The following KHDRBS2 variants were observed in gnomAD, a reference collection of about 807,000 sequenced individuals.
KHDRBS2 encodes the protein KH domain-containing, RNA-binding, signal transduction-associated protein 2.
Under a neutral mutation model 44.3 loss-of-function variants are expected in KHDRBS2, and 26 were observed. That is an observed-to-expected ratio of 0.59 (90% CI 0.43 to 0.81). The LOEUF is 0.81. Ranked by LOEUF, KHDRBS2 falls within the 40% of genes least tolerant of loss-of-function variation. The pLI is 0.00. For missense variants in KHDRBS2, 476 were observed against 433.1 expected (o/e 1.10, Z -0.88); for synonymous variants, 194 against 151.1 (o/e 1.28, Z -2.08).
intron 1 of KHDRBS2, among the ~76,000 whole-genome samples, chr6:62,256,229 C>T (rs1328807910): frequency 6.6e-6 from 1 of 151,678 alleles, no homozygotes; most frequent in African/African-American, 2.4e-5. Flanking sequence ...CCACCTCTGC[C>T]CCGACATTAG....
chr6:61,571,530 A>G, the KHDRBS2 span, among the ~76,000 whole-genome samples: 3 of 152,118 alleles, frequency 2.0e-5, no homozygotes, highest in East Asian at 5.8e-4. Flanking sequence ...TCAATAAACA[A>G]TGGACTGAAA....
At position 62,130,602 on chromosome 6, in the gene KHDRBS2, T is replaced by C. The variant is rs189269751; in HGVS notation, c.219+46583A>G. 3.3e-5 allele frequency among the ~76,000 whole-genome samples: 5 copies of C among 152,098 alleles called. No individual in the cohort carries two copies. The East Asian group carries it at 7.7e-4, about 23-fold the overall frequency. ...AATATATTGATGATTTATATGTTAATATATAATGAATAATATATAGATGCT... is the reference window on the plus strand; with the variant it reads ...AATATATTGATGATTTATATGTTAACATATAATGAATAATATATAGATGCT... On this transcript the variant is annotated intron_variant, in intron 2 of 8. Coordinates refer to ENST00000281156, the MANE Select transcript of KHDRBS2 (RefSeq NM_152688.4).
intron 6 of KHDRBS2, among the ~76,000 whole-genome samples, chr6:61,748,424 G>C (rs1173010703): frequency 6.6e-6 from 1 of 152,190 alleles, no homozygotes; most frequent in Non-Finnish European, 1.5e-5. Context: ...GATACCAGCA[G>C]TCCTGGAAGC....
At position 61,939,167 on chromosome 6, in the gene KHDRBS2, G is replaced by A. The variant is rs192479471; in HGVS notation, c.484-37796C>T. On this transcript the variant is annotated intron_variant, in intron 4 of 8. Transcript: ENST00000281156. ...CTGAAATGTTAATTATGCTGAAGTT[G>A]TGAAATCTAATACACATCGATGTAA... is the stretch of plus-strand genomic sequence containing the variant. 2.2e-4 allele frequency among the ~76,000 whole-genome samples: 33 copies of A among 152,236 alleles called. No individual in the cohort carries two copies. In the East Asian group the frequency reaches 5.8e-3, roughly 27 times the overall value.
At chr6:61,848,506 T>TGTATATATATAC in intron 6 of KHDRBS2, among the ~76,000 whole-genome samples, 1 of 53,880 alleles carries the variant, frequency 1.9e-5, no homozygotes, top group African/African-American at 1.1e-4. Flanking sequence ...TATATATATA[T>TGTATATATATAC]ATATGTATAT....
chr6:62,271,158 TATGA>T (rs1254383318), intron 1 of KHDRBS2, among the ~76,000 whole-genome samples: 1 of 152,182 alleles, frequency 6.6e-6, no homozygotes, highest in Non-Finnish European at 1.5e-5. Context: ...TATGCGTATG[TATGA>T]ATAAATATGT....
intron 3 of KHDRBS2, among the ~76,000 whole-genome samples, chr6:62,047,252 T>C (rs770205045): frequency 6.6e-6 from 1 of 151,974 alleles, no homozygotes; most frequent in Admixed American, 6.6e-5. Context: ...CACTGAATTC[T>C]AACACTGAGA....
chr6:61,984,841 GCATATT>G (rs1774721893), intron 3 of KHDRBS2, among the ~76,000 whole-genome samples: 1 of 152,094 alleles, frequency 6.6e-6, no homozygotes, highest in African/African-American at 2.4e-5. Context: ...CATTAAATAT[GCATATT>G]CAGTTATAAT....
At chr6:61,895,901 G>T (rs1051551840) in intron 5 of KHDRBS2, among the ~76,000 whole-genome samples, 7 of 152,120 alleles carry the variant, frequency 4.6e-5, no homozygotes, top group African/African-American at 1.4e-4. Context: ...AAATAAAAGT[G>T]AGCATTTATA....
At chr6:61,808,809 T>G (rs1202399107) in intron 6 of KHDRBS2, among the ~76,000 whole-genome samples, 3 of 151,674 alleles carry the variant, frequency 2.0e-5, no homozygotes, top group Non-Finnish European at 4.4e-5. Flanking sequence ...GTATCTTTAC[T>G]TTTTTTTAAA....
At chr6:62,061,501 C>A (rs1198902621) in intron 2 of KHDRBS2, among the ~76,000 whole-genome samples, 1 of 149,114 alleles carries the variant, frequency 6.7e-6, no homozygotes. Context: ...GAATATTGGC[C>A]CCCACTCTCT....
intron 7 of KHDRBS2, among the ~76,000 whole-genome samples, chr6:61,718,308 T>TAC (rs1340068683): frequency 6.6e-6 from 1 of 152,124 alleles, no homozygotes; most frequent in East Asian, 1.9e-4. Context: ...ATTCACTGTA[T>TAC]ATTCTTTCTT....
At chr6:62,253,418 GT>G (rs1447962785) in intron 1 of KHDRBS2, among the ~76,000 whole-genome samples, 1 of 151,906 alleles carries the variant, frequency 6.6e-6, no homozygotes, top group Non-Finnish European at 1.5e-5. Flanking sequence ...CATCCCTAGG[GT>G]TTTTGTATTT....
At chr6:62,097,579 A>T (rs1800900957) in intron 2 of KHDRBS2, among the ~76,000 whole-genome samples, 2 of 151,868 alleles carry the variant, frequency 1.3e-5, no homozygotes, top group Admixed American at 6.6e-5. Flanking sequence ...TTCCATGTGT[A>T]TCTTCTTCTA....
chr6:62,065,154 G>T (rs1489889571), intron 2 of KHDRBS2, among the ~76,000 whole-genome samples: 1 of 151,160 alleles, frequency 6.6e-6, no homozygotes, highest in Non-Finnish European at 1.5e-5. Flanking sequence ...AGAGGATGTG[G>T]AGAAATAGGA....
At chr6:61,672,639 G>A in the KHDRBS2 span, among the ~76,000 whole-genome samples, 3 of 152,134 alleles carry the variant, frequency 2.0e-5, no homozygotes, top group Non-Finnish European at 4.4e-5. Flanking sequence ...CTGCATAAAT[G>A]TCTTCTTTTG....
chr6:61,878,065 C>T (rs564910246), intron 6 of KHDRBS2, among the ~76,000 whole-genome samples: 15 of 151,884 alleles, frequency 9.9e-5, no homozygotes, highest in African/African-American at 3.4e-4. Context: ...GAGCTTGGTC[C>T]AATTAATTTA....
chr6:61,605,948 G>A, the KHDRBS2 span, among the ~76,000 whole-genome samples: 1 of 152,116 alleles, frequency 6.6e-6, no homozygotes, highest in Admixed American at 6.6e-5. Context: ...TGCCTTAACT[G>A]ATGACATTCC....
At chr6:61,880,405 C>T (rs1800036836) in intron 6 of KHDRBS2, among the ~76,000 whole-genome samples, 1 of 151,790 alleles carries the variant, frequency 6.6e-6, no homozygotes, top group Non-Finnish European at 1.5e-5. Context: ...TATCTGCTGC[C>T]TAAGTGACAT....
Sources: gnomAD v4.1 joint callset for allele counts (sites outside exome capture counted in the v4.1 genomes callset) on GRCh38, gnomAD v4.1.1 for gene constraint, MANE v1.5 for transcripts, NCBI Gene and HGNC (gene_info 2026-07-23, HGNC 2026-07-21) for gene names.